DAB1: variants seen among roughly 807,000 people sequenced by gnomAD.
DAB1 encodes disabled homolog 1.
In DAB1, 15 loss-of-function variants were observed where a neutral mutation model predicts 64.6. The observed-to-expected ratio is 0.23, with a 90% CI of 0.16 to 0.36. DAB1 has a LOEUF of 0.36. Among genes scored for constraint, DAB1 ranks in the 10% least tolerant of loss-of-function variants. DAB1 has a pLI of 1.00. For missense variants in DAB1, 596 were observed against 706.7 expected, an observed-to-expected ratio of 0.84 and a Z score of 1.78; for synonymous variants, 235 against 251.9, an observed-to-expected ratio of 0.93 and a Z score of 0.64.
intron 2 of DAB1, among the ~76,000 whole-genome samples, chr1:57,233,183 C>T (rs1667814672): frequency 1.3e-5 from 2 of 151,976 alleles, no homozygotes; most frequent in Non-Finnish European, 1.5e-5. Flanking sequence ...TATCTGCCTT[C>T]CTCCAGCAGC....
At chr1:57,618,824 G>A (rs1645821270) in intron 7 of DAB1, among the ~76,000 whole-genome samples, 1 of 152,144 alleles carries the variant, frequency 6.6e-6, no homozygotes, top group Non-Finnish European at 1.5e-5. Context: ...TAGAGAGACA[G>A]CTGAGTACAG....
chr1:57,260,755 A>G (rs1670122456), intron 2 of DAB1, among the ~76,000 whole-genome samples: 2 of 152,192 alleles, frequency 1.3e-5, no homozygotes, highest in African/African-American at 4.8e-5. Context: ...TCTCACACTC[A>G]GAGTGATTTC....
At chr1:58,417,865 C>T (rs906361287) in intron 3 of DAB1, among the ~76,000 whole-genome samples, 1 of 152,118 alleles carries the variant, frequency 6.6e-6, no homozygotes, top group Admixed American at 6.5e-5. Context: ...CACTTTAAGC[C>T]CCTATTTCCT....
intron 7 of DAB1, among the ~76,000 whole-genome samples, chr1:57,440,931 A>G (rs1195061548): frequency 2.6e-5 from 4 of 152,194 alleles, no homozygotes; most frequent in Non-Finnish European, 5.9e-5. Flanking sequence ...GTGGGTGTAC[A>G]GCATGATGCT....
At chr1:57,725,909 G>A (rs1056182729) in intron 6 of DAB1, among the ~76,000 whole-genome samples, 1 of 151,982 alleles carries the variant, frequency 6.6e-6, no homozygotes, top group Non-Finnish European at 1.5e-5. Flanking sequence ...ATACCTCCAC[G>A]CCTGGCTAAT....
chr1:57,122,117 T>C (rs1054073993), intron 4 of DAB1, among the ~76,000 whole-genome samples: 2 of 152,122 alleles, frequency 1.3e-5, no homozygotes, highest in African/African-American at 2.4e-5. Flanking sequence ...CTTTGCTTGA[T>C]AGGTCATTAG....
At chr1:57,405,795 G>A (rs1040248499) in intron 1 of DAB1, among the ~76,000 whole-genome samples, 10 of 152,178 alleles carry the variant, frequency 6.6e-5, no homozygotes, top group Admixed American at 2.0e-4. Context: ...AAATTATACC[G>A]TACCTGATAC....
At chr1:57,987,475 G>T (rs1346109298) in intron 5 of DAB1, among the ~76,000 whole-genome samples, 1 of 152,214 alleles carries the variant, frequency 6.6e-6, no homozygotes, top group African/African-American at 2.4e-5. Context: ...CAAGGTCAAA[G>T]GTTACCAAGT....
chr1:57,922,615 G>C (rs550097231), intron 5 of DAB1, among the ~76,000 whole-genome samples: 1 of 151,960 alleles, frequency 6.6e-6, no homozygotes, highest in East Asian at 1.9e-4. Context: ...AACCCCTTGT[G>C]AAAGAATATG....
intron 9 of DAB1, among the ~76,000 whole-genome samples, chr1:57,032,154 C>T (rs1646984023): frequency 1.3e-5 from 2 of 152,114 alleles, no homozygotes; most frequent in African/African-American, 4.8e-5. Context: ...CTGAAGGCAC[C>T]ATTGATGGAG....
intron 6 of DAB1, among the ~76,000 whole-genome samples, chr1:57,721,188 A>C (rs1179819807): frequency 6.6e-6 from 1 of 152,176 alleles, no homozygotes; most frequent in Non-Finnish European, 1.5e-5. Context: ...TGCCATAAGC[A>C]AAGGATATGC....
intron 5 of DAB1, among the ~76,000 whole-genome samples, chr1:57,970,079 C>T (rs888144804): frequency 3.3e-5 from 5 of 152,192 alleles, no homozygotes. Flanking sequence ...GAGAAGGCAC[C>T]GTCTATGAAA....
chr1:58,451,203 C>T (rs975192491), intron 3 of DAB1, among the ~76,000 whole-genome samples: 2 of 152,234 alleles, frequency 1.3e-5, no homozygotes, highest in Non-Finnish European at 2.9e-5. Context: ...AATCCTCCCG[C>T]CTTAGCCTCC....
intron 7 of DAB1, among the ~76,000 whole-genome samples, chr1:57,548,963 A>G (rs1644884959): frequency 6.6e-6 from 1 of 152,204 alleles, no homozygotes; most frequent in African/African-American, 2.4e-5. Context: ...GAGGAAAATG[A>G]GGCACCGAAA....
At chr1:57,027,664 T>C (rs1646836066) in intron 9 of DAB1, among the ~76,000 whole-genome samples, 3 of 152,168 alleles carry the variant, frequency 2.0e-5, no homozygotes. Flanking sequence ...TGCAGATGTA[T>C]TGACAATATT....
chr1:58,460,049 T>G (rs1342267179), intron 3 of DAB1, among the ~76,000 whole-genome samples: 1 of 152,170 alleles, frequency 6.6e-6, no homozygotes, highest in Non-Finnish European at 1.5e-5. Context: ...CTCCACATCT[T>G]GAAAGGAAGA....
chr1:58,523,048 T>C (rs1167543528), intron 2 of DAB1, among the ~76,000 whole-genome samples: 1 of 152,244 alleles, frequency 6.6e-6, no homozygotes, highest in Admixed American at 6.5e-5. Flanking sequence ...AGAATCCTTC[T>C]GCTAGATTGT....
chr1:57,564,552 G>A (rs1055330279), intron 7 of DAB1, among the ~76,000 whole-genome samples: 2 of 152,094 alleles, frequency 1.3e-5, no homozygotes, highest in Non-Finnish European at 2.9e-5. Context: ...TTAGATGAAT[G>A]GCCAACTAGA....
chr1:57,710,041 G>A (rs1008300236), intron 6 of DAB1, among the ~76,000 whole-genome samples: 14 of 152,044 alleles, frequency 9.2e-5, no homozygotes, highest in African/African-American at 3.1e-4. Context: ...GAAGCCTTGC[G>A]GAGGACTCCT....
Sources: allele counts gnomAD v4.1 joint callset (sites outside exome capture counted in the v4.1 genomes callset), GRCh38; gene constraint gnomAD v4.1.1; transcripts MANE v1.5; gene names NCBI Gene and HGNC (gene_info 2026-07-23, HGNC 2026-07-21).